The following GGN variants were observed in gnomAD, a reference collection of about 807,000 sequenced individuals.
GGN encodes the protein gametogenetin.
Under a neutral mutation model 35.5 loss-of-function variants are expected in GGN, and 27 were observed. That is an observed-to-expected ratio of 0.76 (90% confidence interval 0.56 to 1.05). GGN has a LOEUF of 1.05. GGN is among the 50% of genes least tolerant of loss of function. The pLI is 0.00. For missense variants in GGN, 1,006 were observed against 940.7 expected (o/e 1.07, Z -0.91); for synonymous variants, 425 against 444.1 (o/e 0.96, Z 0.54).
intron 3 of GGN, 74 bp from the exon 4 acceptor site, chr19:38,384,603 C>G: frequency 9.2e-7 from 1 of 1,089,140 alleles, no homozygotes; most frequent in Non-Finnish European, 1.4e-6. Context: ...GCCTCCCTGT[C>G]CCCATATGAA....
intron 3 of GGN, among the ~76,000 whole-genome samples, chr19:38,384,952 T>C (rs1568389970): frequency 1.3e-5 from 2 of 152,134 alleles, no homozygotes. Flanking sequence ...CCTCAGAGGC[T>C]AGAGGGGTCA....
At position 38,387,410 on chromosome 19, in the gene GGN, T is replaced by C. The variant is rs1392946710; in HGVS notation, c.-19-130A>G. ...CCAAGATCCGATCAGGCCCAAGTCC[T>C]TAGGTCGCACTCCTGTTCCCCGACC... On this transcript the variant is annotated intron_variant, in intron 2 of 3. Transcript: ENST00000334928. The surrounding 1 kb of genome is among the most constrained non-coding windows in gnomAD (Gnocchi z 5.3). The C allele has an allele frequency of 2.1e-6, 3 of 1,403,296 alleles. No individual in the cohort carries two copies. The highest frequency in any genetic ancestry group is 2.8e-6 in the Non-Finnish European group (3 of 1,071,290). The allele number at this position is 1,403,296 out of a possible 1,614,324, so 86.9% of individuals were successfully genotyped here.
chr19:38,387,355 A>T lies in GGN; in HGVS notation c.-19-75T>A. On this transcript the variant is annotated intron_variant, in intron 2 of 3. Transcript: ENST00000334928. This position sits in a 1 kb window ranked among gnomAD's most constrained non-coding sequence, Gnocchi z 5.3. ...TACGAGGCTGGCTGTACTTGATCTA[A>T]TGCGTCCGCACCGGCCCCGCCCCTG... 1 of 1,455,840 alleles carries T rather than the reference A, an allele frequency of 6.9e-7. No individual in the cohort carries two copies. The highest frequency in any genetic ancestry group is 2.5e-5 in the East Asian group (1 of 39,930). The allele number at this position is 1,455,840 out of a possible 1,614,324, so 90.2% of individuals were successfully genotyped here. A position where few individuals can be genotyped will look rare whatever the true frequency, so the allele number is the denominator to read the frequency against.
rs1432873331 is a variant in GGN, at chr19:38,384,427, G to A, written c.1944C>T (p.Ala648=). The part of the protein sequence containing the change: ...VAKLEHYDLQ[A]THSN ...CCGACTACACTCAGTTGGAATGGGT[G>A]GCCTGCAAGTCGTAGTGCTCCAGCT... The change falls in exon 4 of 4, where the codon GCC becomes GCT. Residue 648 remains alanine (A), a synonymous_variant. Transcript: ENST00000334928. 1 of 1,613,300 alleles carries A rather than the reference G, an allele frequency of 6.2e-7. No homozygotes were observed. Among genetic ancestry groups the A allele is most frequent in the Admixed American group, 1.7e-5 (1 of 59,998 alleles).
rs1970676316 is a variant in GGN at position 38,384,459 on chromosome 19, C to G, written c.1912G>C (p.Val638Leu). ...VATIKLSGSL[V>L]AKLEHYDLQA... ...AAGTCGTAGTGCTCCAGCTTGGCCA[C>G]CAGAGAGCCGGACAGCTTGATGGTG... is the stretch of plus-strand genomic sequence containing the variant. Residue 638 changes from valine (V) to leucine (L), a missense_variant, in exon 4 of 4, where the codon GTG (valine) becomes CTG (leucine). Coordinates refer to ENST00000334928, the MANE Select transcript of GGN (RefSeq NM_152657.4). 2 of 1,613,916 alleles carry G rather than the reference C, an allele frequency of 1.2e-6. No homozygotes were observed. The highest frequency in any genetic ancestry group is 1.7e-6 in the Non-Finnish European group (2 of 1,179,980).
chr19:38,387,207 G>A lies in GGN; in HGVS notation c.55C>T (p.Pro19Ser), dbSNP rs760818779. ...CGGGAGTCGGGGGCGCGGTCCGAGG[G>A]CTGCACTTTTCGGGAGCCCCCGCCC... ...SAGGGSRKVQ[P>S]SDRAPDSRRT... Residue 19 changes from proline (P) to serine (S), a missense_variant, in exon 3 of 4, where the codon CCC becomes TCC. Physicochemically the swap from Pro to Ser is moderately conservative, Grantham distance 74 (BLOSUM62 -1). Transcript: ENST00000334928. This position sits in a 1 kb window ranked among gnomAD's most constrained non-coding sequence, Gnocchi z 5.3. 1 of 1,596,060 alleles carries A rather than the reference G, an allele frequency of 6.3e-7. No homozygotes were observed. The highest frequency in any genetic ancestry group is 8.5e-7 in the Non-Finnish European group (1 of 1,172,110).
chr19:38,387,698 A>G lies in GGN; in HGVS notation c.-20+63T>C. The G allele has an allele frequency of 1.8e-5, 3 of 168,728 alleles. No individual in the cohort carries two copies. In the Middle Eastern group the frequency reaches 1.5e-3, roughly 85 times the overall value. The allele number at this position is 168,728 out of a possible 1,614,324, so 10.5% of individuals were successfully genotyped here. ...GGTCTACTAGCTGGCATCCACAGTCAAGCTCCACCCCTGTCCCCAAGCTCC... is the reference window on the plus strand; with the variant it reads ...GGTCTACTAGCTGGCATCCACAGTCGAGCTCCACCCCTGTCCCCAAGCTCC... On this transcript the variant is annotated intron_variant, in intron 2 of 3. Coordinates refer to ENST00000334928, the MANE Select transcript of GGN (RefSeq NM_152657.4). This position sits in a 1 kb window ranked among gnomAD's most constrained non-coding sequence, Gnocchi z 5.3.
chr19:38,386,943 C>CG lies in GGN; in HGVS notation c.318dup (p.Gly107ArgfsTer4). ...GCGGGCTTTTGCCATTTAGACGGGCCGGGCAGCAGAGTCCCCGCGGGGGCC... is the reference window on the plus strand; with the variant it reads ...GCGGGCTTTTGCCATTTAGACGGGCCGGGGCAGCAGAGTCCCCGCGGGGGCC... On this transcript the variant is annotated frameshift_variant, in exon 3 of 4. Coordinates refer to ENST00000334928, the MANE Select transcript of GGN (RefSeq NM_152657.4). LOFTEE classifies it high-confidence loss of function. 6.5e-7 allele frequency: 1 copy of CG among 1,542,480 alleles called. No individual in the cohort carries two copies.
In GGN at chr19:38,385,402, G is replaced by T; in HGVS notation, c.1841+19C>A. ...GCAGTCTGGGGTTCGGCACCCTCCT[G>T]TCCCTTCTCCCCTCTCACCAGGCAG... On this transcript the variant is annotated intron_variant, in intron 3 of 3. Transcript: ENST00000334928. 1.2e-6 allele frequency: 2 copies of T among 1,613,200 alleles called. No homozygotes were observed. Among genetic ancestry groups the T allele is most frequent in the South Asian group, 2.2e-5 (2 of 91,040 alleles).
rs1166009693 is a variant in GGN, at chr19:38,384,321, G to A, written c.*91C>T. ...CCTGCCCTGCTGCACCCTACCCACT[G>A]CCTTGGCGAGTGATTGACAGGCTGC... On this transcript the variant is annotated 3_prime_UTR_variant, in exon 4 of 4. Coordinates refer to ENST00000334928, the MANE Select transcript of GGN (RefSeq NM_152657.4). 3 of 921,460 alleles carry A rather than the reference G, an allele frequency of 3.3e-6. No homozygotes were observed. Among genetic ancestry groups the A allele is most frequent in the Non-Finnish European group, 5.3e-6 (3 of 564,910 alleles). The allele number at this position is 921,460 out of a possible 1,614,324, so 57.1% of individuals were successfully genotyped here.
Position 38,386,538 on chromosome 19 carries a change from G to A in GGN, c.724C>T (p.Leu242=). 6.2e-7 allele frequency: 1 copy of A among 1,613,312 alleles called. No homozygotes were observed. The highest frequency in any genetic ancestry group is 8.5e-7 in the Non-Finnish European group (1 of 1,179,968). Residue 242 remains leucine (L), a synonymous_variant, in exon 3 of 4, where the codon CTG becomes TTG. Coordinates refer to ENST00000334928, the MANE Select transcript of GGN (RefSeq NM_152657.4). ...CTCGACTTGAAGGTGATTTTACACA[G>A]CAGGCTCAGACCGGACTCGGAATCC... ...PADSESGLSL[L]CKITFKSRPS... is the part of the protein sequence containing the mutation.
intron 3 of GGN, among the ~76,000 whole-genome samples, chr19:38,384,808 G>C (rs1453068922): frequency 6.6e-6 from 1 of 152,202 alleles, no homozygotes; most frequent in Non-Finnish European, 1.5e-5. Flanking sequence ...TGGTGATTCA[G>C]TGTGGGTAGG....
rs756975352 is a variant in GGN at position 38,386,385 on chromosome 19, G to C, written c.877C>G (p.Pro293Ala). 1.1e-5 allele frequency: 17 copies of C among 1,612,944 alleles called. No homozygotes were observed. In the South Asian group the frequency reaches 1.6e-4, roughly 16 times the overall value. The change falls in exon 3 of 4, where the codon CCC becomes GCC. Residue 293 changes from proline to alanine, a missense_variant. Physicochemically the swap from Pro to Ala is conservative, Grantham distance 27 (BLOSUM62 -1). Transcript: ENST00000334928. ...ISYAEVLKQG[P>A]LPPGAARPLG... Reference sequence around the variant, plus strand: ...GGGCGAGCGGCTCCAGGAGGCAGGGGCCCTTGCTTCAGGACCTCGGCGTAA... The same window carrying C: ...GGGCGAGCGGCTCCAGGAGGCAGGGCCCCTTGCTTCAGGACCTCGGCGTAA...
In GGN at chr19:38,386,672, G is replaced by A. The variant is rs778896465; in HGVS notation, c.590C>T (p.Ser197Leu). The change falls in exon 3 of 4, where the codon TCA (serine) becomes TTA (leucine). Residue 197 changes from serine to leucine, a missense_variant. Coordinates refer to ENST00000334928, the MANE Select transcript of GGN (RefSeq NM_152657.4). ...RITPALATPASPPTESQAGPR... is the reference protein window; with the variant it reads ...RITPALATPALPPTESQAGPR... ...CCCAGCCTGGCTTTCTGTCGGGGGT[G>A]AGGCGGGTGTGGCCAGAGCAGGAGT... 31 of 1,610,974 alleles carry A rather than the reference G, an allele frequency of 1.9e-5. 1 individual carries two copies. In the East Asian group the frequency reaches 2.0e-4, roughly 10 times the overall value.
rs1268361523 is a variant in GGN at position 38,386,281 on chromosome 19, C to G, written c.981G>C (p.Ser327=). 1 of 1,609,450 alleles carries G rather than the reference C, an allele frequency of 6.2e-7. No homozygotes were observed. Among genetic ancestry groups the G allele is most frequent in the Non-Finnish European group, 8.5e-7 (1 of 1,177,828 alleles). Reference sequence around the variant, plus strand: ...GGGCCCGGGCTTGGGACGCAGGCGCCGAGGGAGGACCAGAGCACCCTTCGC... The same window carrying G: ...GGGCCCGGGCTTGGGACGCAGGCGCGGAGGGAGGACCAGAGCACCCTTCGC... ...GDGEGCSGPP[S]APASQARALP... The change falls in exon 3 of 4, where the codon TCG becomes TCC. Residue 327 remains serine (S), a synonymous_variant. Transcript: ENST00000334928.
At position 38,386,792 on chromosome 19, in the gene GGN, A is replaced by G. The variant is rs751522031; in HGVS notation, c.470T>C (p.Val157Ala). ...CGGAAATTGGGATGGGGCCCTCGGGACAGTGTCCTTCACGGATAGTTGCCG... is the reference window on the plus strand; with the variant it reads ...CGGAAATTGGGATGGGGCCCTCGGGGCAGTGTCCTTCACGGATAGTTGCCG... The part of the protein sequence containing the change: ...PPRQLSVKDT[V>A]PRAPSQFPPP... The change falls in exon 3 of 4, where the codon GTC becomes GCC. Residue 157 changes from valine (V) to alanine (A), a missense_variant. Physicochemically the swap from Val to Ala is moderately conservative, Grantham distance 64. Transcript: ENST00000334928. 1.2e-5 allele frequency: 20 copies of G among 1,610,718 alleles called. No homozygotes were observed. Among genetic ancestry groups the G allele is most frequent in the African/African-American group, 4.0e-5 (3 of 74,770 alleles).
In GGN at chr19:38,385,738, C is replaced by T. The variant is rs373147035; in HGVS notation, c.1524G>A (p.Ser508=). ...PAPAPTVAEP[S]PPVSAPAPAA... is the part of the protein sequence containing the mutation. ...CGGGTGCGGGCGCGGACACAGGCGG[C>T]GAGGGCTCAGCCACGGTGGGAGCTG... is the stretch of plus-strand genomic sequence containing the variant. The change falls in exon 3 of 4, where the codon TCG becomes TCA. Residue 508 remains serine (S), a synonymous_variant. Coordinates refer to ENST00000334928, the MANE Select transcript of GGN (RefSeq NM_152657.4). The T allele has an allele frequency of 9.5e-6, 15 of 1,581,346 alleles. No homozygotes were observed. Among genetic ancestry groups the T allele is most frequent in the East Asian group, 7.0e-5 (3 of 42,782 alleles).
rs148924874 is a variant in GGN at position 38,384,467 on chromosome 19, C to T, written c.1904G>A (p.Gly635Asp). 9.3e-6 allele frequency: 15 copies of T among 1,613,934 alleles called. No homozygotes were observed. Among genetic ancestry groups the T allele is most frequent in the Non-Finnish European group, 1.2e-5 (14 of 1,179,996 alleles). ...PPWVATIKLS[G>D]SLVAKLEHYD... Reference sequence around the variant, plus strand: ...GTGCTCCAGCTTGGCCACCAGAGAGCCGGACAGCTTGATGGTGGCAACCCA... The same window carrying T: ...GTGCTCCAGCTTGGCCACCAGAGAGTCGGACAGCTTGATGGTGGCAACCCA... The change falls in exon 4 of 4, where the codon GGC (glycine) becomes GAC (aspartate). Residue 635 changes from glycine (G) to aspartate (D), a missense_variant. By Grantham distance (94) the Gly-to-Asp change is moderately conservative. Coordinates refer to ENST00000334928, the MANE Select transcript of GGN (RefSeq NM_152657.4).
chr19:38,386,387 C>T lies in GGN; in HGVS notation c.875G>A (p.Gly292Glu). 6.2e-7 allele frequency: 1 copy of T among 1,612,948 alleles called. No homozygotes were observed. Among genetic ancestry groups the T allele is most frequent in the Non-Finnish European group, 8.5e-7 (1 of 1,179,892 alleles). The change falls in exon 3 of 4, where the codon GGG (glycine) becomes GAG (glutamate). Residue 292 changes from glycine to glutamate, a missense_variant. Physicochemically the swap from Gly to Glu is moderately conservative, Grantham distance 98. Coordinates refer to ENST00000334928, the MANE Select transcript of GGN (RefSeq NM_152657.4). ...AISYAEVLKQ[G>E]PLPPGAARPL... The stretch of plus-strand genomic sequence containing the variant: ...GCGAGCGGCTCCAGGAGGCAGGGGC[C>T]CTTGCTTCAGGACCTCGGCGTAAGA...
Sources: gnomAD v4.1 joint callset for allele counts (sites outside exome capture counted in the v4.1 genomes callset) on GRCh38, gnomAD v4.1.1 for gene constraint, Gnocchi (gnomAD v3.1) non-coding constraint, MANE v1.5 for transcripts, NCBI Gene and HGNC (gene_info 2026-07-23, HGNC 2026-07-21) for gene names.